Variants in FGF14 observed in about 807,000 individuals in gnomAD.
The protein encoded by FGF14 is fibroblast growth factor 14.
Under a neutral mutation model 25.5 loss-of-function variants are expected in FGF14, and 5 were observed. That is an observed-to-expected ratio of 0.20 (90% confidence interval 0.10 to 0.41). The LOEUF is 0.41. Among genes scored for constraint, FGF14 ranks in the 10% least tolerant of loss-of-function variants. The pLI is 1.00. For missense variants in FGF14, 222 were observed against 320.1 expected, an observed-to-expected ratio of 0.69 and a Z score of 2.34; for synonymous variants, 138 against 118.3, an observed-to-expected ratio of 1.17 and a Z score of -1.08.
intron 1 of FGF14, among the ~76,000 whole-genome samples, chr13:101,997,732 T>C (rs1386200321): frequency 6.6e-6 from 1 of 152,116 alleles, no homozygotes; most frequent in Non-Finnish European, 1.5e-5. Flanking sequence ...TCTACAGAGT[T>C]TGGGAGTTTA....
intron 3 of FGF14, among the ~76,000 whole-genome samples, chr13:101,765,718 T>TTTATTTATTTA (rs2038347205): frequency 7.0e-6 from 1 of 143,320 alleles, no homozygotes; most frequent in African/African-American, 2.7e-5. Flanking sequence ...ATTATTATTA[T>TTTATTTATTTA]TTTATTTATT....
chr13:102,249,935 C>T (rs1004117271), intron 1 of FGF14, among the ~76,000 whole-genome samples: 2 of 152,140 alleles, frequency 1.3e-5, no homozygotes, highest in African/African-American at 2.4e-5. Flanking sequence ...ACTGGCTATG[C>T]TCTCTGACAG....
intron 1 of FGF14, chr13:102,002,279 A>G (rs1029491895): frequency 1.1e-4 from 16 of 152,208 alleles, no homozygotes; most frequent in African/African-American, 2.9e-4. Context: ...GCCATAGAAG[A>G]TTGGATCCAC....
At chr13:102,008,296 A>G (rs1477732911) in intron 1 of FGF14, among the ~76,000 whole-genome samples, 1 of 152,168 alleles carries the variant, frequency 6.6e-6, no homozygotes, top group Non-Finnish European at 1.5e-5. Context: ...ATCCACAGCT[A>G]CTAAATTTCT....
At chr13:101,917,579 G>T (rs916453871), upstream of FGF14, among the ~76,000 whole-genome samples, 21 of 151,866 alleles carry the variant, frequency 1.4e-4, no homozygotes, top group African/African-American at 5.1e-4. Context: ...GTTGGAGGGC[G>T]AGGTGGTTTC....
intron 1 of FGF14, among the ~76,000 whole-genome samples, chr13:102,174,165 C>T (rs2048350968): frequency 6.8e-6 from 1 of 146,302 alleles, no homozygotes; most frequent in East Asian, 2.0e-4. Context: ...AATGGAGTCT[C>T]ACTCTGTTGC....
intron 1 of FGF14, among the ~76,000 whole-genome samples, chr13:102,250,580 C>T (rs1262921867): frequency 6.6e-6 from 1 of 152,078 alleles, no homozygotes; most frequent in Non-Finnish European, 1.5e-5. Flanking sequence ...TATTATGTTC[C>T]CCTTCTGGGA....
intron 1 of FGF14, among the ~76,000 whole-genome samples, chr13:101,962,610 A>T (rs1003447399): frequency 5.3e-5 from 8 of 152,244 alleles, no homozygotes; most frequent in African/African-American, 1.7e-4. Context: ...AGGATAAAAT[A>T]AAGTTCATTT....
intron 1 of FGF14, among the ~76,000 whole-genome samples, chr13:102,058,197 T>A (rs2042521325): frequency 6.6e-6 from 1 of 152,216 alleles, no homozygotes; most frequent in Non-Finnish European, 1.5e-5. Flanking sequence ...ATGTGATGGC[T>A]ACTGACATAA....
At chr13:102,102,212 C>A (rs1324446691) in intron 1 of FGF14, among the ~76,000 whole-genome samples, 1 of 152,068 alleles carries the variant, frequency 6.6e-6, no homozygotes, top group Non-Finnish European at 1.5e-5. Flanking sequence ...GAGCTCTAAC[C>A]CAGTAGTAGC....
chr13:101,777,024 C>A (rs893672928), intron 3 of FGF14, among the ~76,000 whole-genome samples: 3 of 152,108 alleles, frequency 2.0e-5, no homozygotes, highest in South Asian at 2.1e-4. Context: ...TCCCAAAGAC[C>A]TTTGTTATTT....
chr13:102,083,719 A>G (rs145906935), intron 1 of FGF14, among the ~76,000 whole-genome samples: 42 of 152,372 alleles, frequency 2.8e-4, no homozygotes, highest in African/African-American at 9.1e-4. Flanking sequence ...CCTAGAATGT[A>G]TAAAACTAAA....
chr13:101,745,033 G>T (rs546045430), intron 3 of FGF14, among the ~76,000 whole-genome samples: 1 of 151,988 alleles, frequency 6.6e-6, no homozygotes, highest in Non-Finnish European at 1.5e-5. Context: ...ATCATATGCC[G>T]CTCCTGATTC....
At chr13:101,921,376 T>C (rs2033992823), upstream of FGF14, among the ~76,000 whole-genome samples, 1 of 152,184 alleles carries the variant, frequency 6.6e-6, no homozygotes, top group South Asian at 2.1e-4. Context: ...AAAATGGCCA[T>C]GAACGAACTA....
chr13:102,059,984 G>A (rs1274997639), intron 1 of FGF14, among the ~76,000 whole-genome samples: 1 of 152,124 alleles, frequency 6.6e-6, no homozygotes, highest in Non-Finnish European at 1.5e-5. Context: ...ATACAGACCG[G>A]CATTCCTAAT....
At chr13:102,318,998 T>C (rs1256440716) in intron 1 of FGF14, among the ~76,000 whole-genome samples, 3 of 152,176 alleles carry the variant, frequency 2.0e-5, no homozygotes, top group South Asian at 2.1e-4. Context: ...CCATTGAGCA[T>C]TGAAGACTAT....
intron 3 of FGF14, among the ~76,000 whole-genome samples, chr13:101,808,231 T>G (rs2041307375): frequency 6.6e-6 from 1 of 152,082 alleles, no homozygotes; most frequent in East Asian, 1.9e-4. Context: ...GTAACTTACA[T>G]GCATCTGTGA....
At chr13:102,167,309 T>G in intron 1 of FGF14, among the ~76,000 whole-genome samples, 1 of 70,044 alleles carries the variant, frequency 1.4e-5, no homozygotes, top group Non-Finnish European at 2.3e-5. Context: ...TTGCACTCCA[T>G]CTCAAAAAAA....
At chr13:101,731,894 G>A (rs189619755) in intron 3 of FGF14, among the ~76,000 whole-genome samples, 4 of 152,258 alleles carry the variant, frequency 2.6e-5, no homozygotes, top group South Asian at 2.1e-4. Flanking sequence ...TCAGAGCTGC[G>A]TGGTCGAGAA....
Sources: gnomAD v4.1 joint callset for allele counts (sites outside exome capture counted in the v4.1 genomes callset) on GRCh38, gnomAD v4.1.1 for gene constraint, MANE v1.5 for transcripts, NCBI Gene and HGNC (gene_info 2026-07-23, HGNC 2026-07-21) for gene names.